The following CLCN6 variants were observed in gnomAD, a reference collection of about 807,000 sequenced individuals.
CLCN6 encodes Cl-/H+ antiporter 6.
In CLCN6, 70 loss-of-function variants were observed where a neutral mutation model predicts 109.8. The observed-to-expected ratio is 0.64, with a 90% confidence interval of 0.53 to 0.78. CLCN6 has a LOEUF of 0.78. Ranked by LOEUF, CLCN6 falls within the 30% of genes least tolerant of loss-of-function variation. The pLI, the probability that CLCN6 is intolerant of heterozygous loss-of-function variation, is 0.00. For synonymous variants in CLCN6, 444 were observed against 447.8 expected (o/e 0.99, Z 0.11); for missense variants, 984 against 1,142.3 (o/e 0.86, Z 2.00).
Position 11,827,148 on chromosome 1 carries a change from CGCCAATCGGGGG to C in CLCN6, c.768_779del (p.Pro257_Gly260del). On this transcript the variant is annotated inframe_deletion, in exon 10 of 23. Transcript: ENST00000346436. ...GCTGGAGTTGCTGCAGCTTTCGGGG[CGCCAATCGGGGG>C]TACCTTGTTCAGTCTAGAGGAGGGT... 1 of 1,613,886 alleles carries C rather than the reference CGCCAATCGGGGG, an allele frequency of 6.2e-7. No individual in the cohort carries two copies. Among genetic ancestry groups the C allele is most frequent in the South Asian group, 1.1e-5 (1 of 91,068 alleles).
chr1:11,830,110 G>C (rs1049020157), intron 13 of CLCN6: 2 of 152,166 alleles, frequency 1.3e-5, no homozygotes, highest in Admixed American at 1.3e-4. Context: ...TGGGGGGCGC[G>C]ATATTTTCCA....
chr1:11,819,064 A>T (rs1644708809), intron 4 of CLCN6, among the ~76,000 whole-genome samples: 1 of 152,360 alleles, frequency 6.6e-6, no homozygotes, highest in African/African-American at 2.4e-5. Flanking sequence ...AAAAACATTT[A>T]TGAGATTTTT....
At chr1:11,808,625 TTTTA>T (rs1296158319) in intron 2 of CLCN6, among the ~76,000 whole-genome samples, 2 of 152,186 alleles carry the variant, frequency 1.3e-5, no homozygotes, top group African/African-American at 4.8e-5. Context: ...AAAAGTCCTT[TTTTA>T]TTTGTTTGAT....
At chr1:11,826,055 CT>C (rs1237461688) in intron 8 of CLCN6, 100 bp from the exon 9 acceptor site, 25 of 893,396 alleles carry the variant, frequency 2.8e-5, no homozygotes, top group Middle Eastern at 2.3e-4. Context: ...TAGGCTGCCC[CT>C]GACCTGTGTT....
rs774858202 is a variant in CLCN6, at chr1:11,827,171, A to T, written c.790A>T (p.Ser264Cys). ...GGCGCCAATCGGGGGTACCTTGTTC[A>T]GTCTAGAGGAGGGTTCGTCCTTCTG... ...FGAPIGGTLFSLEEGSSFWNQ... is the reference protein window; with the variant it reads ...FGAPIGGTLFCLEEGSSFWNQ... The change falls in exon 10 of 23, where the codon AGT becomes TGT. Residue 264 changes from serine to cysteine, a missense_variant. Physicochemically the swap from Ser to Cys is moderately radical, Grantham distance 112. Transcript: ENST00000346436. 6 of 1,613,882 alleles carry T rather than the reference A, an allele frequency of 3.7e-6. No individual in the cohort carries two copies. In the Admixed American group the frequency reaches 1.0e-4, roughly 27 times the overall value.
At chr1:11,830,514 C>A (rs1469542816) in intron 13 of CLCN6, among the ~76,000 whole-genome samples, 1 of 151,712 alleles carries the variant, frequency 6.6e-6, no homozygotes, top group Non-Finnish European at 1.5e-5. Context: ...ATAGGAGGAC[C>A]TACATAGGTT....
intron 17 of CLCN6, among the ~76,000 whole-genome samples, chr1:11,835,246 G>C (rs554970251): frequency 6.6e-6 from 1 of 152,290 alleles, no homozygotes; most frequent in African/African-American, 2.4e-5. Context: ...TCTAAAGGGG[G>C]ACCCAAGTGC....
intron 22 of CLCN6, chr1:11,839,015 T>C (rs1158036607): frequency 4.6e-6 from 3 of 652,450 alleles, no homozygotes; most frequent in East Asian, 2.8e-5. Flanking sequence ...GCAAAATACT[T>C]TGAGTTTTAC....
rs1013380307 is a variant in CLCN6 at position 11,823,620 on chromosome 1, C to G, written c.454-87C>G. ...ACGCTGCTAATGAAGGTGGCCAGCT[C>G]TCCCTCTTCCGCCGCCCAGATTGTT... On this transcript the variant is annotated intron_variant, in intron 6 of 22. Transcript: ENST00000346436. 4 of 1,570,992 alleles carry G rather than the reference C, an allele frequency of 2.5e-6. No homozygotes were observed. The East Asian group carries it at 9.0e-5, about 35-fold the overall frequency.
chr1:11,823,357 A>G (rs1413230239), intron 6 of CLCN6, among the ~76,000 whole-genome samples: 1 of 152,042 alleles, frequency 6.6e-6, no homozygotes, highest in Non-Finnish European at 1.5e-5. Flanking sequence ...CATGCCTGTA[A>G]TCCCAGCTAC....
intron 17 of CLCN6, 80 bp from the exon 18 acceptor site, chr1:11,835,887 G>T: frequency 1.5e-6 from 2 of 1,377,102 alleles, no homozygotes; most frequent in Non-Finnish European, 2.0e-6. Context: ...GTCTGAGCAG[G>T]GCTGGAGAGC....
rs539375882 is a variant in CLCN6 at position 11,814,906 on chromosome 1, G to A, written c.148-940G>A. Among the ~76,000 whole-genome samples, 127 of 152,120 alleles carry A rather than the reference G, an allele frequency of 8.3e-4. 1 individual carries two copies. Among genetic ancestry groups the A allele is most frequent in the Non-Finnish European group, 1.9e-4 (13 of 68,018 alleles). ...AAATTAGCCGGGCGTGTTGGCAGGC[G>A]CCTGTAGTCCCAGCTACTCAGGAGG... On this transcript the variant is annotated intron_variant, in intron 2 of 22. Coordinates refer to ENST00000346436, the MANE Select transcript of CLCN6 (RefSeq NM_001286.5).
Position 11,834,378 on chromosome 1 carries a change from A to G in CLCN6, c.1669A>G (p.Ile557Val), listed in dbSNP as rs764800359. 3 of 1,613,962 alleles carry G rather than the reference A, an allele frequency of 1.9e-6. No individual in the cohort carries two copies. The highest frequency in any genetic ancestry group is 1.7e-5 in the Admixed American group (1 of 60,014). Reference protein sequence around the residue: ...STNEITYGLPIMVTLMVAKWT... With the variant: ...STNEITYGLPVMVTLMVAKWT... ...CAATGAGATCACCTACGGGCTCCCC[A>G]TCATGGTCACACTGATGGTGAGCAC... is the stretch of plus-strand genomic sequence containing the variant. The change falls in exon 16 of 23, where the codon ATC (isoleucine) becomes GTC (valine). Residue 557 changes from isoleucine (I) to valine (V), a missense_variant. By Grantham distance (29) the Ile-to-Val change is conservative. Coordinates refer to ENST00000346436, the MANE Select transcript of CLCN6 (RefSeq NM_001286.5). This position sits in a 1 kb window ranked among gnomAD's most constrained non-coding sequence, Gnocchi z 4.5.
chr1:11,814,091 A>G (rs989744386), intron 2 of CLCN6, among the ~76,000 whole-genome samples: 1 of 152,176 alleles, frequency 6.6e-6, no homozygotes, highest in African/African-American at 2.4e-5. Flanking sequence ...GATAGAATAA[A>G]TTGTCACTCA....
chr1:11,838,428 C>CCG lies in CLCN6; in HGVS notation c.2393_2394dup (p.Met799AlafsTer2). On this transcript the variant is annotated frameshift_variant, in exon 21 of 23. Coordinates refer to ENST00000346436, the MANE Select transcript of CLCN6 (RefSeq NM_001286.5). LOFTEE classifies it high-confidence loss of function. ...CGACCTGGACCTGACGCTGCTCAAC[C>CCG]CGCGCATGATCGTGGTGAGAAGGGC... 1 of 1,614,158 alleles carries CCG rather than the reference C, an allele frequency of 6.2e-7. No homozygotes were observed. Among genetic ancestry groups the CCG allele is most frequent in the Non-Finnish European group, 8.5e-7 (1 of 1,180,040 alleles).
intron 10 of CLCN6, 118 bp downstream of exon 10, chr1:11,827,339 C>A: frequency 1.9e-6 from 2 of 1,047,580 alleles, no homozygotes; most frequent in Non-Finnish European, 2.7e-6. Context: ...GGATCAGAAA[C>A]AGCTTTCCTC....
intron 13 of CLCN6, among the ~76,000 whole-genome samples, chr1:11,829,682 GAACCT>G (rs1301322369): frequency 1.1e-4 from 15 of 135,306 alleles, no homozygotes; most frequent in Middle Eastern, 8.0e-3. Flanking sequence ...TCACAGAGGG[GAACCT>G]GGGAACAACC....
chr1:11,826,079 T>TC, intron 8 of CLCN6, 77 bp from the exon 9 acceptor site: 2 of 1,063,218 alleles, frequency 1.9e-6, no homozygotes, highest in Non-Finnish European at 2.8e-6. Flanking sequence ...TTTTTTTTTT[T>TC]CCATAATTAC....
chr1:11,830,334 T>C (rs1644863898), intron 13 of CLCN6: 1 of 152,164 alleles, frequency 6.6e-6, no homozygotes, highest in South Asian at 2.1e-4. Flanking sequence ...TGGAATTACG[T>C]AGGGTCAACC....
Sources: gnomAD v4.1 joint callset for allele counts (sites outside exome capture counted in the v4.1 genomes callset) on GRCh38, gnomAD v4.1.1 for gene constraint, Gnocchi (gnomAD v3.1) non-coding constraint, MANE v1.5 for transcripts, NCBI Gene and HGNC (gene_info 2026-07-23, HGNC 2026-07-21) for gene names.